Variants in B3GAT2 observed in about 807,000 individuals in gnomAD.
The protein encoded by B3GAT2 is beta-1,3-glucuronyltransferase 2.
A neutral mutation model predicts 27.8 loss-of-function variants in B3GAT2; 26 were observed. The ratio of observed to expected loss-of-function variants is 0.93; its 90% CI spans 0.68 to 1.30. B3GAT2 has a LOEUF of 1.30. Ranked by LOEUF, B3GAT2 falls within the 50% of genes most tolerant of loss-of-function variation. The pLI, the probability that B3GAT2 is intolerant of heterozygous loss-of-function variation, is 0.00. For missense variants in B3GAT2, 458 were observed against 459.0 expected, an observed-to-expected ratio of 1.00 and a Z score of 0.02; for synonymous variants, 218 against 195.1, an observed-to-expected ratio of 1.12 and a Z score of -0.98.
intron 1 of B3GAT2, among the ~76,000 whole-genome samples, chr6:70,929,244 T>C (rs886823547): frequency 9.2e-5 from 14 of 152,088 alleles, no homozygotes; most frequent in African/African-American, 3.4e-4. Flanking sequence ...ATATACCTAA[T>C]GTAAATGACG....
chr6:70,863,531 A>G (rs546757295), intron 2 of B3GAT2, among the ~76,000 whole-genome samples: 23 of 152,330 alleles, frequency 1.5e-4, no homozygotes, highest in African/African-American at 5.3e-4. Flanking sequence ...AGCAGAGAAT[A>G]CTGGATTTGG....
chr6:70,921,291 T>C (rs11759339), intron 1 of B3GAT2, among the ~76,000 whole-genome samples: 28,915 of 152,100 alleles, frequency 0.19, 3,634 homozygotes, highest in Non-Finnish European at 0.28. Flanking sequence ...TTTTAATTAT[T>C]TGTTCATTAT....
At chr6:70,919,704 T>C (rs1409606757) in intron 1 of B3GAT2, among the ~76,000 whole-genome samples, 2 of 152,226 alleles carry the variant, frequency 1.3e-5, no homozygotes. Context: ...CCAGACCGTT[T>C]GCCTCGGTAT....
At chr6:70,921,090 G>A (rs1772861705) in intron 1 of B3GAT2, among the ~76,000 whole-genome samples, 1 of 152,140 alleles carries the variant, frequency 6.6e-6, no homozygotes, top group African/African-American at 2.4e-5. Flanking sequence ...AGAATCTGAT[G>A]CCTACATGTC....
chr6:70,871,230 T>TTTTTTTTTC (rs1771931511), intron 2 of B3GAT2, among the ~76,000 whole-genome samples: 1 of 149,052 alleles, frequency 6.7e-6, no homozygotes, highest in Non-Finnish European at 1.5e-5. Context: ...TTGTTTTTTT[T>TTTTTTTTTC]TTTTCTTCGT....
chr6:70,941,346 G>A (rs1362079029), intron 1 of B3GAT2, among the ~76,000 whole-genome samples: 1 of 152,088 alleles, frequency 6.6e-6, no homozygotes, highest in Non-Finnish European at 1.5e-5. Context: ...TACTTGCCTA[G>A]AGCACTTAAA....
chr6:70,871,997 T>G (rs1383993422), intron 2 of B3GAT2, among the ~76,000 whole-genome samples: 1 of 151,990 alleles, frequency 6.6e-6, no homozygotes, highest in Admixed American at 6.6e-5. Context: ...CATATATTTG[T>G]GAATTTCACA....
At chr6:70,867,293 T>C (rs897172909) in intron 2 of B3GAT2, among the ~76,000 whole-genome samples, 4 of 151,760 alleles carry the variant, frequency 2.6e-5, no homozygotes, top group African/African-American at 9.7e-5. Flanking sequence ...AAGCCCAAAG[T>C]AAATGGAGAA....
chr6:70,950,350 A>G (rs1470869141), intron 1 of B3GAT2, among the ~76,000 whole-genome samples: 1 of 152,164 alleles, frequency 6.6e-6, no homozygotes, highest in Non-Finnish European at 1.5e-5. Context: ...AAAAGTAACA[A>G]AAGGTCAAAG....
At position 70,956,722 on chromosome 6, in the gene B3GAT2, G is replaced by C; in HGVS notation, c.-293C>G. ...GACTCGGTCCAGCCGCGCGCCGCCGGTCCCGGAGTTGTGCCGAGTGCGGGA... is the reference window on the plus strand; with the variant it reads ...GACTCGGTCCAGCCGCGCGCCGCCGCTCCCGGAGTTGTGCCGAGTGCGGGA... On this transcript the variant is annotated 5_prime_UTR_variant, in exon 1 of 4. Transcript: ENST00000230053. The C allele has an allele frequency of 1.5e-6, 2 of 1,324,806 alleles. No individual in the cohort carries two copies. The highest frequency in any genetic ancestry group is 9.6e-7 in the Non-Finnish European group (1 of 1,037,552). 82.1% of individuals were successfully genotyped at this position (1,324,806 alleles called of 1,614,324 possible).
chr6:70,901,281 G>A (rs1772494409), intron 1 of B3GAT2, among the ~76,000 whole-genome samples: 1 of 152,198 alleles, frequency 6.6e-6, no homozygotes, highest in Non-Finnish European at 1.5e-5. Flanking sequence ...CGTGTTGATA[G>A]TATGTACCCT....
At chr6:70,874,644 A>C (rs1771985192) in intron 2 of B3GAT2, among the ~76,000 whole-genome samples, 1 of 152,170 alleles carries the variant, frequency 6.6e-6, no homozygotes, top group Admixed American at 6.6e-5. Flanking sequence ...TGTTTGCCAC[A>C]ACTGTTATTG....
chr6:70,911,554 A>G (rs1453294608), intron 1 of B3GAT2, among the ~76,000 whole-genome samples: 2 of 152,272 alleles, frequency 1.3e-5, no homozygotes, highest in East Asian at 3.9e-4. Context: ...GTAAGCTTGC[A>G]GTACAGTTTG....
intron 1 of B3GAT2, among the ~76,000 whole-genome samples, chr6:70,948,970 T>C (rs1765535807): frequency 6.6e-6 from 1 of 152,222 alleles, no homozygotes; most frequent in South Asian, 2.1e-4. Flanking sequence ...AAGGATTCCC[T>C]ATTTAATAAA....
In B3GAT2 at chr6:70,857,746, G is replaced by A. The variant is rs186099548; in HGVS notation, c.*3917C>T. On this transcript the variant is annotated 3_prime_UTR_variant, in exon 4 of 4. Transcript: ENST00000230053. Reference sequence around the variant, plus strand: ...TAATAACTGATTTGTCTGCATCCTAGAAACAACCAGCTCTCAGGGTTTAGG... The same window carrying A: ...TAATAACTGATTTGTCTGCATCCTAAAAACAACCAGCTCTCAGGGTTTAGG... 1 of 617,090 alleles carries A rather than the reference G, an allele frequency of 1.6e-6. No homozygotes were observed. The allele number at this position is 617,090 out of a possible 1,614,324, so 38.2% of individuals were successfully genotyped here.
In B3GAT2 at chr6:70,857,949, C is replaced by T; in HGVS notation, c.*3714G>A. 1 of 1,614,054 alleles carries T rather than the reference C, an allele frequency of 6.2e-7. No homozygotes were observed. Reference sequence around the variant, plus strand: ...GTATTTATGGGACCCACAAATATACCATTTACCTCACAAGCACCAGCTGCA... The same window carrying T: ...GTATTTATGGGACCCACAAATATACTATTTACCTCACAAGCACCAGCTGCA... On this transcript the variant is annotated 3_prime_UTR_variant, in exon 4 of 4. Transcript: ENST00000230053.
At chr6:70,925,852 G>T (rs1772947326) in intron 1 of B3GAT2, among the ~76,000 whole-genome samples, 1 of 152,210 alleles carries the variant, frequency 6.6e-6, no homozygotes, top group Non-Finnish European at 1.5e-5. Context: ...CTCCTCAAGT[G>T]GGTCCCTGAC....
chr6:70,920,373 A>G (rs1454042424), intron 1 of B3GAT2, among the ~76,000 whole-genome samples: 1 of 152,184 alleles, frequency 6.6e-6, no homozygotes, highest in Non-Finnish European at 1.5e-5. Context: ...GACCCCTTGC[A>G]CTTCCTCGGT....
chr6:70,895,082 G>T (rs1772356691), intron 1 of B3GAT2, among the ~76,000 whole-genome samples: 1 of 152,142 alleles, frequency 6.6e-6, no homozygotes, highest in South Asian at 2.1e-4. Context: ...ACTAGAAAAA[G>T]GTGCCCCTTT....
Sources: gnomAD v4.1 joint callset for allele counts (sites outside exome capture counted in the v4.1 genomes callset) on GRCh38, gnomAD v4.1.1 for gene constraint, MANE v1.5 for transcripts, NCBI Gene and HGNC (gene_info 2026-07-23, HGNC 2026-07-21) for gene names.